Variants in RTN1 observed in about 807,000 individuals in gnomAD.
The protein encoded by RTN1 is reticulon-1.
A neutral mutation model predicts 65.5 loss-of-function variants in RTN1; 25 were observed. The ratio of observed to expected loss-of-function variants is 0.38; its 90% CI spans 0.28 to 0.53. The LOEUF (loss-of-function observed/expected upper bound fraction) is 0.53. Among genes scored for constraint, RTN1 ranks in the 20% least tolerant of loss-of-function variants. RTN1 has a pLI of 0.79. For synonymous variants in RTN1, 471 were observed against 447.6 expected (o/e 1.05, Z -0.66); for missense variants, 983 against 1,025.4 (o/e 0.96, Z 0.57).
intron 3 of RTN1, among the ~76,000 whole-genome samples, chr14:59,609,700 T>C (rs1483526941): frequency 6.6e-6 from 1 of 152,162 alleles, no homozygotes; most frequent in African/African-American, 2.4e-5. Context: ...TCCAGGTATT[T>C]ACTCTCTTTG....
chr14:59,782,280 T>A (rs1250909977), intron 1 of RTN1, among the ~76,000 whole-genome samples: 1 of 152,168 alleles, frequency 6.6e-6, no homozygotes, highest in Admixed American at 6.5e-5. Flanking sequence ...GAAGAGTACA[T>A]AGACTCACAG....
At chr14:59,828,823 T>G (rs185578453) in intron 1 of RTN1, among the ~76,000 whole-genome samples, 10 of 152,284 alleles carry the variant, frequency 6.6e-5, no homozygotes, top group Non-Finnish European at 1.2e-4. Flanking sequence ...AAATCTTAAC[T>G]CAAAAGATAC....
Position 59,870,668 on chromosome 14 carries a change from T to G in RTN1, c.-38A>C, listed in dbSNP as rs953705721. The G allele has an allele frequency of 7.5e-7, 1 of 1,339,296 alleles. No homozygotes were observed. Among genetic ancestry groups the G allele is most frequent in the African/African-American group, 1.5e-5 (1 of 64,960 alleles). 83.0% of individuals were successfully genotyped at this position (1,339,296 alleles called of 1,614,324 possible). A position where few individuals can be genotyped will look rare whatever the true frequency, so the allele number is the denominator to read the frequency against. ...CCCGGCGCGGCGACGGCGGCTTGGC[T>G]GGGCAGAGGCTCGGTGGCTGCGCGG... On this transcript the variant is annotated 5_prime_UTR_variant, in exon 1 of 9. Coordinates refer to ENST00000267484, the MANE Select transcript of RTN1 (RefSeq NM_021136.3). This position sits in a 1 kb window ranked among gnomAD's most constrained non-coding sequence, Gnocchi z 5.1.
intron 3 of RTN1, among the ~76,000 whole-genome samples, chr14:59,716,806 A>AC (rs1312803709): frequency 1.3e-5 from 2 of 151,374 alleles, no homozygotes; most frequent in South Asian, 4.2e-4. Context: ...AAAAATACAA[A>AC]AAAAAAAAAA....
At chr14:59,605,679 TC>T (rs1382861204) in intron 4 of RTN1, 173 bp from the exon 5 acceptor site, 3 of 562,812 alleles carry the variant, frequency 5.3e-6, no homozygotes, top group Non-Finnish European at 9.3e-6. Flanking sequence ...CACACCTGCT[TC>T]CATGCACTGA....
At chr14:59,601,790 T>G (rs1026598591) in intron 8 of RTN1, among the ~76,000 whole-genome samples, 2 of 152,172 alleles carry the variant, frequency 1.3e-5, no homozygotes, top group East Asian at 3.8e-4. Context: ...GACATTCTAA[T>G]TCTATAGGTC....
chr14:59,641,125 A>C (rs537760652), intron 3 of RTN1, among the ~76,000 whole-genome samples: 53 of 151,830 alleles, frequency 3.5e-4, no homozygotes, highest in African/African-American at 1.3e-3. Context: ...CACGTGGCTA[A>C]TTTTTTTGGG....
In RTN1 at chr14:59,745,791, C is replaced by T. The variant is rs1478765775; in HGVS notation, c.932G>A (p.Ser311Asn). 1.9e-6 allele frequency: 3 copies of T among 1,613,878 alleles called. No homozygotes were observed. The highest frequency in any genetic ancestry group is 2.7e-5 in the African/African-American group (2 of 74,880). The change falls in exon 2 of 9, where the codon AGT becomes AAT. Residue 311 changes from serine (S) to asparagine (N), a missense_variant. By Grantham distance (46) the Ser-to-Asn change is conservative. Around this residue, in one of 2 missense-constraint regions of RTN1, gnomAD observed 818 missense variants for 801.8 expected, o/e 1.02. Coordinates refer to ENST00000267484, the MANE Select transcript of RTN1 (RefSeq NM_021136.3). Reference protein sequence around the residue: ...PEKQDICLKPSPDTVPTVTVS... With the variant: ...PEKQDICLKPNPDTVPTVTVS... ...AGTGACAGTGGGGACTGTGTCAGGA[C>T]TTGGCTTTAGACATATATCTTGCTT...
In RTN1 at chr14:59,779,301, G is replaced by C. The variant is rs145412432; in HGVS notation, c.242-32820C>G. Among the ~76,000 whole-genome samples the C allele has an allele frequency of 3.4e-3, 517 of 152,144 alleles. 3 individuals are homozygous for C. Among genetic ancestry groups the C allele is most frequent in the African/African-American group, 0.012 (502 of 41,500 alleles). On this transcript the variant is annotated intron_variant, in intron 1 of 8. Transcript: ENST00000267484. ...TAGTATAACTTTCTGTCATACGAAG[G>C]GGAGAAAGAGGTTTGAGAAGGTAGA...
intron 3 of RTN1, among the ~76,000 whole-genome samples, chr14:59,614,796 C>T (rs1882057449): frequency 6.6e-6 from 1 of 152,138 alleles, no homozygotes; most frequent in South Asian, 2.1e-4. Flanking sequence ...TAGGCTCCAC[C>T]CTTAGTAGAT....
intron 1 of RTN1, among the ~76,000 whole-genome samples, chr14:59,859,984 G>A (rs1321173621): frequency 2.0e-5 from 3 of 152,146 alleles, no homozygotes; most frequent in Non-Finnish European, 2.9e-5. Flanking sequence ...ATAAAAGTTC[G>A]GAAAATTTGT....
intron 1 of RTN1, among the ~76,000 whole-genome samples, chr14:59,859,393 T>G (rs1331272399): frequency 1.3e-5 from 2 of 152,228 alleles, no homozygotes; most frequent in African/African-American, 4.8e-5. Context: ...CTCCTTGCTT[T>G]CCACCATGAT....
chr14:59,819,929 C>G (rs1449773597), intron 1 of RTN1, among the ~76,000 whole-genome samples: 1 of 152,202 alleles, frequency 6.6e-6, no homozygotes, highest in Non-Finnish European at 1.5e-5. Context: ...GCCTCTCCCT[C>G]CACACCTCTC....
At chr14:59,759,516 T>C (rs1289124301) in intron 1 of RTN1, among the ~76,000 whole-genome samples, 1 of 152,200 alleles carries the variant, frequency 6.6e-6, no homozygotes, top group Non-Finnish European at 1.5e-5. Flanking sequence ...TAAGGGCTCA[T>C]TATTATTTTT....
chr14:59,764,004 G>A (rs1177769627), intron 1 of RTN1, among the ~76,000 whole-genome samples: 2 of 152,172 alleles, frequency 1.3e-5, no homozygotes, highest in African/African-American at 2.4e-5. Flanking sequence ...TTGAAAATAC[G>A]TGTGATTTTT....
intron 3 of RTN1, among the ~76,000 whole-genome samples, chr14:59,676,771 A>G (rs1883636836): frequency 6.6e-6 from 1 of 152,184 alleles, no homozygotes; most frequent in Non-Finnish European, 1.5e-5. Flanking sequence ...TAGCATATGC[A>G]CTTTAACGGG....
chr14:59,605,352 G>A lies in RTN1; in HGVS notation c.2112+16C>T. The A allele has an allele frequency of 6.2e-7, 1 of 1,612,394 alleles. No homozygotes were observed. The highest frequency in any genetic ancestry group is 8.5e-7 in the Non-Finnish European group (1 of 1,179,212). Reference sequence around the variant, plus strand: ...AACAGTCAAGACTGTGAAGTGAACAGCTTAAGCAACTATACTTTTAAGGAA... The same window carrying A: ...AACAGTCAAGACTGTGAAGTGAACAACTTAAGCAACTATACTTTTAAGGAA... On this transcript the variant is annotated intron_variant, in intron 5 of 8. Coordinates refer to ENST00000267484, the MANE Select transcript of RTN1 (RefSeq NM_021136.3).
At chr14:59,743,759 GT>G (rs1435846643) in intron 2 of RTN1, among the ~76,000 whole-genome samples, 3 of 151,986 alleles carry the variant, frequency 2.0e-5, no homozygotes, top group African/African-American at 7.3e-5. Context: ...GTCACCTGTG[GT>G]CCCAGTTCAC....
At chr14:59,729,961 G>C (rs567228954) in intron 2 of RTN1, among the ~76,000 whole-genome samples, 115 of 152,306 alleles carry the variant, frequency 7.6e-4, no homozygotes, top group African/African-American at 2.6e-3. Flanking sequence ...CTCTTAGCAG[G>C]CTTCAAGAAC....
Sources: allele counts gnomAD v4.1 joint callset (sites outside exome capture counted in the v4.1 genomes callset), GRCh38; gene constraint gnomAD v4.1.1; regional missense constraint gnomAD v4.1.1; non-coding constraint Gnocchi (gnomAD v3.1); transcripts MANE v1.5; gene names NCBI Gene and HGNC (gene_info 2026-07-23, HGNC 2026-07-21).